The following RGL1 variants were observed in gnomAD, a reference collection of about 807,000 sequenced individuals.
The protein encoded by RGL1 is ral guanine nucleotide dissociation stimulator like 1, also known as ral guanine nucleotide dissociation stimulator-like 1.
A neutral mutation model predicts 95.2 loss-of-function variants in RGL1; 24 were observed. The ratio of observed to expected loss-of-function variants is 0.25; its 90% CI spans 0.18 to 0.35. RGL1 has a LOEUF of 0.35. Ranked by LOEUF, RGL1 falls within the 10% of genes least tolerant of loss-of-function variation. The pLI is 1.00. For synonymous variants in RGL1, 329 were observed against 344.9 expected (o/e 0.95, Z 0.51); for missense variants, 715 against 936.3 (o/e 0.76, Z 3.08).
chr1:183,877,071 G>C (rs1052836464), intron 4 of RGL1, among the ~76,000 whole-genome samples: 1 of 152,222 alleles, frequency 6.6e-6, no homozygotes, highest in Non-Finnish European at 1.5e-5. Flanking sequence ...AGGGGGGTCA[G>C]TGGAGTTAAC....
chr1:183,829,271 C>T (rs898350490), intron 2 of RGL1, among the ~76,000 whole-genome samples: 2 of 151,802 alleles, frequency 1.3e-5, no homozygotes, highest in African/African-American at 4.8e-5. Flanking sequence ...GAGACCTCGT[C>T]TCTATGAAAA....
intron 1 of RGL1, among the ~76,000 whole-genome samples, chr1:183,698,652 G>A (rs1654395155): frequency 6.6e-6 from 1 of 152,152 alleles, no homozygotes; most frequent in Non-Finnish European, 1.5e-5. Flanking sequence ...ACAACTTAAA[G>A]ACAGCACTCT....
At chr1:183,874,215 G>C (rs114772423) in intron 4 of RGL1, among the ~76,000 whole-genome samples, 1 of 152,198 alleles carries the variant, frequency 6.6e-6, no homozygotes, top group Non-Finnish European at 1.5e-5. Context: ...AACCTGGGGC[G>C]TAGGTTAAGG....
intron 1 of RGL1, among the ~76,000 whole-genome samples, chr1:183,639,074 G>A (rs1461262009): frequency 6.6e-6 from 1 of 152,178 alleles, no homozygotes; most frequent in Non-Finnish European, 1.5e-5. Context: ...GAGGTGAGGA[G>A]TTCAAGACCA....
chr1:183,892,933 C>T lies in RGL1; in HGVS notation c.1140+772C>T, dbSNP rs148090554. Among the ~76,000 whole-genome samples the T allele has an allele frequency of 3.9e-3, 599 of 152,356 alleles. 1 individual carries two copies. Among genetic ancestry groups the T allele is most frequent in the Middle Eastern group, 0.01 (3 of 294 alleles). On this transcript the variant is annotated intron_variant, in intron 9 of 17. Coordinates refer to ENST00000360851, the MANE Select transcript of RGL1 (RefSeq NM_001297671.3). Reference sequence around the variant, plus strand: ...ATCATCATTTTGTAGATAGCCAAGACTCAGAGAGGGTAATAACCTGCCCTA... The same window carrying T: ...ATCATCATTTTGTAGATAGCCAAGATTCAGAGAGGGTAATAACCTGCCCTA...
intron 2 of RGL1, among the ~76,000 whole-genome samples, chr1:183,835,200 C>T (rs907845275): frequency 2.0e-5 from 3 of 152,028 alleles, no homozygotes; most frequent in African/African-American, 4.8e-5. Context: ...TTGCCAGCTA[C>T]CAGGCCTTTC....
chr1:183,720,173 G>C (rs1288951002), intron 1 of RGL1, among the ~76,000 whole-genome samples: 1 of 152,120 alleles, frequency 6.6e-6, no homozygotes, highest in Non-Finnish European at 1.5e-5. Flanking sequence ...TGAAGTAAAG[G>C]AAAAATACAA....
intron 1 of RGL1, among the ~76,000 whole-genome samples, chr1:183,703,151 C>G (rs1295893056): frequency 6.6e-6 from 1 of 152,220 alleles, no homozygotes; most frequent in East Asian, 1.9e-4. Context: ...CGCCGGCTTC[C>G]AGGCCCTGGG....
intron 7 of RGL1, among the ~76,000 whole-genome samples, chr1:183,887,498 G>A (rs1436089710): frequency 1.3e-5 from 2 of 152,026 alleles, no homozygotes; most frequent in East Asian, 1.9e-4. Context: ...AACCAAATAC[G>A]TGCTCACATG....
chr1:183,687,842 G>C (rs1653702849), intron 1 of RGL1, among the ~76,000 whole-genome samples: 1 of 152,166 alleles, frequency 6.6e-6, no homozygotes, highest in African/African-American at 2.4e-5. Context: ...AAGGTTTGAG[G>C]ATCCTGAAAT....
intron 1 of RGL1, among the ~76,000 whole-genome samples, chr1:183,699,482 T>A (rs562520141): frequency 2.6e-5 from 4 of 152,310 alleles, no homozygotes; most frequent in African/African-American, 9.6e-5. Flanking sequence ...GAGCAAGTGA[T>A]GAAATTTAAT....
At chr1:183,773,440 T>G (rs866475769) in intron 2 of RGL1, among the ~76,000 whole-genome samples, 24 of 152,350 alleles carry the variant, frequency 1.6e-4, no homozygotes, top group Middle Eastern at 6.8e-3. Context: ...TAACCATCTT[T>G]GCCTGTTTGT....
upstream of RGL1, among the ~76,000 whole-genome samples, chr1:183,802,580 T>G (rs1177024866): frequency 1.4e-5 from 2 of 146,048 alleles, no homozygotes; most frequent in African/African-American, 5.1e-5. Flanking sequence ...ACGGGATGTC[T>G]TTCTATTTAG....
At chr1:183,894,511 A>C (rs1287189382) in intron 9 of RGL1, among the ~76,000 whole-genome samples, 2 of 152,068 alleles carry the variant, frequency 1.3e-5, no homozygotes, top group African/African-American at 4.8e-5. Context: ...CATTTTTGTT[A>C]ATCATTCTTC....
intron 2 of RGL1, among the ~76,000 whole-genome samples, chr1:183,806,776 A>G (rs1661373964): frequency 6.6e-6 from 1 of 151,742 alleles, no homozygotes; most frequent in Admixed American, 6.6e-5. Context: ...CACAGAATAC[A>G]GGCCCAGAGA....
chr1:183,843,402 C>CGAGT (rs1222888602), intron 2 of RGL1, among the ~76,000 whole-genome samples: 1 of 152,060 alleles, frequency 6.6e-6, no homozygotes, highest in African/African-American at 2.4e-5. Flanking sequence ...AAATTTTTTC[C>CGAGT]GAGTAAGAAA....
intron 15 of RGL1, among the ~76,000 whole-genome samples, chr1:183,914,161 C>T (rs1311692273): frequency 6.6e-6 from 1 of 152,192 alleles, no homozygotes; most frequent in Admixed American, 6.5e-5. Flanking sequence ...GGATTTCTCC[C>T]TGTCTCTCCA....
intron 2 of RGL1, among the ~76,000 whole-genome samples, chr1:183,777,507 G>A (rs1050620275): frequency 2.6e-5 from 4 of 152,170 alleles, no homozygotes; most frequent in Non-Finnish European, 4.4e-5. Context: ...GTCTCATCGT[G>A]TTCAAACATA....
At chr1:183,813,830 A>G (rs1351077280) in intron 2 of RGL1, among the ~76,000 whole-genome samples, 1 of 152,222 alleles carries the variant, frequency 6.6e-6, no homozygotes, top group Non-Finnish European at 1.5e-5. Flanking sequence ...GAAAAATTTC[A>G]GTAAGATAGA....
Sources: allele counts gnomAD v4.1 joint callset (sites outside exome capture counted in the v4.1 genomes callset), GRCh38; gene constraint gnomAD v4.1.1; transcripts MANE v1.5; gene names NCBI Gene and HGNC (gene_info 2026-07-23, HGNC 2026-07-21).